The following NELL2 variants were observed in gnomAD, a reference collection of about 807,000 sequenced individuals.
The protein encoded by NELL2 is protein kinase C-binding protein NELL2.
In NELL2, 41 loss-of-function variants were observed where a neutral mutation model predicts 109.6. The observed-to-expected ratio is 0.37, with a 90% CI of 0.29 to 0.49. The LOEUF is 0.49. Ranked by LOEUF, NELL2 falls within the 20% of genes least tolerant of loss-of-function variation. The probability of loss-of-function intolerance (pLI) is 0.98; values close to 1 mark genes in which losing one functional copy is unlikely to be tolerated. For missense variants in NELL2, 900 were observed against 1,008.3 expected (o/e 0.89, Z 1.45); for synonymous variants, 355 against 344.7 (o/e 1.03, Z -0.33).
chr12:44,597,501 T>C (rs1419708542), intron 15 of NELL2, among the ~76,000 whole-genome samples: 1 of 152,214 alleles, frequency 6.6e-6, no homozygotes, highest in Admixed American at 6.5e-5. Context: ...TAAGTTTGCA[T>C]TTTCTTTTAA....
chr12:44,893,136 A>C (rs1284090352), intron 1 of NELL2, among the ~76,000 whole-genome samples: 1 of 152,156 alleles, frequency 6.6e-6, no homozygotes, highest in Non-Finnish European at 1.5e-5. Flanking sequence ...TAATGGTAGA[A>C]TCATGCTCCC....
At chr12:44,819,202 G>A (rs1943460778) in intron 2 of NELL2, among the ~76,000 whole-genome samples, 1 of 152,134 alleles carries the variant, frequency 6.6e-6, no homozygotes, top group African/African-American at 2.4e-5. Flanking sequence ...GAAACTGTAG[G>A]TGAAGGGAAA....
chr12:44,539,728 T>C (rs1167917408), intron 15 of NELL2, among the ~76,000 whole-genome samples: 1 of 152,176 alleles, frequency 6.6e-6, no homozygotes, highest in Non-Finnish European at 1.5e-5. Context: ...TTTATAAATA[T>C]TAATTTAATG....
At chr12:44,883,668 C>T (rs923744919) in intron 1 of NELL2, among the ~76,000 whole-genome samples, 16 of 151,886 alleles carry the variant, frequency 1.1e-4, no homozygotes, top group African/African-American at 3.6e-4. Context: ...ATAAGACAAA[C>T]ACAACATAAA....
chr12:44,636,496 G>T (rs1363977203), intron 13 of NELL2, among the ~76,000 whole-genome samples: 2 of 151,992 alleles, frequency 1.3e-5, no homozygotes, highest in Non-Finnish European at 1.5e-5. Context: ...GCATAAAGGG[G>T]TGTTAAATTT....
intron 2 of NELL2, among the ~76,000 whole-genome samples, chr12:44,821,828 G>A (rs114673363): frequency 0.016 from 2,352 of 151,586 alleles, 57 homozygotes; most frequent in African/African-American, 0.053. Flanking sequence ...ACTGATTCTC[G>A]TGCCTCAATC....
intron 13 of NELL2, among the ~76,000 whole-genome samples, chr12:44,619,364 T>G (rs1312808907): frequency 6.6e-6 from 1 of 152,146 alleles, no homozygotes; most frequent in African/African-American, 2.4e-5. Flanking sequence ...AATAGCTGCT[T>G]CCAGCTGTAG....
intron 12 of NELL2, among the ~76,000 whole-genome samples, chr12:44,683,496 C>T (rs1346572211): frequency 6.6e-6 from 1 of 151,968 alleles, no homozygotes; most frequent in Non-Finnish European, 1.5e-5. Context: ...CTGTCTTGTG[C>T]CAGTTTTCAA....
chr12:44,731,214 T>C (rs1264583767), intron 9 of NELL2, among the ~76,000 whole-genome samples: 7 of 152,030 alleles, frequency 4.6e-5, no homozygotes, highest in South Asian at 2.1e-4. Context: ...TCCCAAAACA[T>C]TGAAGAAAAT....
chr12:44,743,264 C>G (rs1358825003), intron 9 of NELL2, among the ~76,000 whole-genome samples: 1 of 152,116 alleles, frequency 6.6e-6, no homozygotes, highest in African/African-American at 2.4e-5. Flanking sequence ...GAGATTTTGT[C>G]ACCACCAGGC....
At chr12:44,627,548 A>G (rs1350663226) in intron 13 of NELL2, among the ~76,000 whole-genome samples, 1 of 152,222 alleles carries the variant, frequency 6.6e-6, no homozygotes, top group Non-Finnish European at 1.5e-5. Flanking sequence ...GACACTTGAG[A>G]ATACACACAG....
intron 2 of NELL2, among the ~76,000 whole-genome samples, chr12:44,867,046 G>A (rs1031629994): frequency 1.3e-5 from 2 of 152,112 alleles, no homozygotes; most frequent in Non-Finnish European, 2.9e-5. Flanking sequence ...TGGCTTCACT[G>A]CTAAACTCTA....
At chr12:44,836,829 A>G (rs755461221) in intron 2 of NELL2, among the ~76,000 whole-genome samples, 24 of 152,204 alleles carry the variant, frequency 1.6e-4, no homozygotes, top group Admixed American at 4.6e-4. Context: ...AAATATAACT[A>G]TAGATTCTTC....
chr12:44,614,632 C>G (rs989759080), intron 13 of NELL2, among the ~76,000 whole-genome samples: 6 of 152,152 alleles, frequency 3.9e-5, no homozygotes, highest in Admixed American at 3.9e-4. Flanking sequence ...CACTGATTAA[C>G]CCCTAAGTCA....
At position 44,823,486 on chromosome 12, in the gene NELL2, G is replaced by A. The variant is rs560142730; in HGVS notation, c.185-7350C>T. ...AATTCCACGTACAATGAGATCATGCGGTATTCATCTGTCTGTGCCTGCCTT... is the reference window on the plus strand; with the variant it reads ...AATTCCACGTACAATGAGATCATGCAGTATTCATCTGTCTGTGCCTGCCTT... On this transcript the variant is annotated intron_variant, in intron 2 of 19. Transcript: ENST00000429094. 3.0e-3 allele frequency among the ~76,000 whole-genome samples: 450 copies of A among 152,234 alleles called. 3 individuals are homozygous for A. The highest frequency in any genetic ancestry group is 0.01 in the African/African-American group (423 of 41,534).
chr12:44,532,618 G>A lies in NELL2; in HGVS notation c.1767C>T (p.Asp589=). Residue 589 remains aspartate, a synonymous_variant, in exon 16 of 20, where the codon GAC becomes GAT. Transcript: ENST00000429094. ...CTCCACTTGGTGAAAACATCCCATT[G>A]TCATGGTAGCCATCTCTGCACTCAC... The part of the protein sequence containing the change: ...YHCECRDGYH[D]NGMFSPSGES... The A allele has an allele frequency of 6.2e-7, 1 of 1,613,514 alleles. No homozygotes were observed.
chr12:44,621,680 TTG>T (rs1313764469), intron 13 of NELL2, among the ~76,000 whole-genome samples: 2 of 149,474 alleles, frequency 1.3e-5, no homozygotes, highest in Non-Finnish European at 2.9e-5. Flanking sequence ...GATTTACTCA[TTG>T]TTATTGTGCT....
At chr12:44,859,909 T>G (rs1305010238) in intron 2 of NELL2, among the ~76,000 whole-genome samples, 3 of 152,204 alleles carry the variant, frequency 2.0e-5, no homozygotes, top group Non-Finnish European at 4.4e-5. Context: ...TCTAGTTATG[T>G]TTGACCCTGT....
At chr12:44,642,039 A>G (rs1946877809) in intron 13 of NELL2, among the ~76,000 whole-genome samples, 1 of 152,042 alleles carries the variant, frequency 6.6e-6, no homozygotes, top group South Asian at 2.1e-4. Flanking sequence ...CCTCTATGAA[A>G]TGGGGACAAT....
Sources: gnomAD v4.1 joint callset for allele counts (sites outside exome capture counted in the v4.1 genomes callset) on GRCh38, gnomAD v4.1.1 for gene constraint, MANE v1.5 for transcripts, NCBI Gene and HGNC (gene_info 2026-07-23, HGNC 2026-07-21) for gene names.